RASAL2: variants seen among roughly 807,000 people sequenced by gnomAD.
RASAL2 encodes the protein RAS protein activator like 2.
RASAL2 carries 58 observed loss-of-function variants against 128.9 expected under a neutral mutation model. The ratio of observed to expected loss-of-function variants is 0.45; its 90% CI spans 0.36 to 0.56. RASAL2 has a LOEUF of 0.56. RASAL2 is among the 20% of genes least tolerant of loss of function. The pLI, the probability that RASAL2 is intolerant of heterozygous loss-of-function variation, is 0.00. For synonymous variants in RASAL2, 561 were observed against 580.8 expected (o/e 0.97, Z 0.49); for missense variants, 1,360 against 1,601.6 (o/e 0.85, Z 2.57).
At chr1:178,428,491 T>C (rs1387046210) in intron 5 of RASAL2, among the ~76,000 whole-genome samples, 1 of 151,720 alleles carries the variant, frequency 6.6e-6, no homozygotes, top group Non-Finnish European at 1.5e-5. Flanking sequence ...TATAAGTCTA[T>C]GATCCATTTA....
intron 1 of RASAL2, among the ~76,000 whole-genome samples, chr1:178,265,762 A>G (rs1001094353): frequency 6.6e-6 from 1 of 152,248 alleles, no homozygotes; most frequent in Admixed American, 6.5e-5. Flanking sequence ...TCAGAAGCCC[A>G]CTTATGTCCT....
At chr1:178,464,831 GTTTTT>G (rs986789340) in intron 15 of RASAL2, among the ~76,000 whole-genome samples, 626 of 38,192 alleles carry the variant, frequency 0.016, no homozygotes, top group Middle Eastern at 0.042. Context: ...GGTTTTAGTT[GTTTTT>G]TTTTTTTTTT....
chr1:178,431,462 G>A (rs1675894827), intron 5 of RASAL2, among the ~76,000 whole-genome samples: 2 of 152,026 alleles, frequency 1.3e-5, no homozygotes, highest in South Asian at 4.1e-4. Context: ...AAGATAGCAG[G>A]TAGAAACATG....
intron 4 of RASAL2, among the ~76,000 whole-genome samples, chr1:178,403,601 A>AT (rs1673785541): frequency 6.6e-6 from 1 of 152,200 alleles, no homozygotes. Context: ...GAAATAAATG[A>AT]TATAAGGACA....
chr1:178,420,992 A>G (rs910350366), intron 5 of RASAL2, among the ~76,000 whole-genome samples: 3 of 151,242 alleles, frequency 2.0e-5, no homozygotes, highest in African/African-American at 7.3e-5. Flanking sequence ...TGCTTCATAC[A>G]TGTTATCTTG....
intron 1 of RASAL2, among the ~76,000 whole-genome samples, chr1:178,161,028 C>T (rs12067894): frequency 0.11 from 16,595 of 151,994 alleles, 1,159 homozygotes; most frequent in African/African-American, 0.19. Context: ...TGAGAGTTCC[C>T]GCAAGTGTCT....
chr1:178,137,064 T>G (rs1660353538), intron 1 of RASAL2, among the ~76,000 whole-genome samples: 1 of 152,176 alleles, frequency 6.6e-6, no homozygotes, highest in South Asian at 2.1e-4. Flanking sequence ...TTGAAACCAT[T>G]GGAGAGTTTA....
At chr1:178,390,809 C>T (rs1003091593) in intron 4 of RASAL2, among the ~76,000 whole-genome samples, 2 of 152,052 alleles carry the variant, frequency 1.3e-5, no homozygotes, top group Non-Finnish European at 2.9e-5. Flanking sequence ...TCCTTGCAGA[C>T]ATCTTTTTAT....
chr1:178,423,926 A>G (rs1675329607), intron 5 of RASAL2, among the ~76,000 whole-genome samples: 1 of 151,882 alleles, frequency 6.6e-6, no homozygotes, highest in Non-Finnish European at 1.5e-5. Flanking sequence ...TTTTCTCCCA[A>G]TCTGTTTCTT....
At chr1:178,099,396 T>A (rs1302999698) in intron 1 of RASAL2, among the ~76,000 whole-genome samples, 1 of 152,222 alleles carries the variant, frequency 6.6e-6, no homozygotes, top group Non-Finnish European at 1.5e-5. Flanking sequence ...TAAGAATGCC[T>A]AGGCATGTAC....
At chr1:178,339,175 C>T (rs1324457657) in intron 3 of RASAL2, among the ~76,000 whole-genome samples, 1 of 152,132 alleles carries the variant, frequency 6.6e-6, no homozygotes, top group African/African-American at 2.4e-5. Flanking sequence ...GAATTCATCT[C>T]CATCTTGTGC....
At chr1:178,235,517 A>G (rs553972211) in intron 1 of RASAL2, among the ~76,000 whole-genome samples, 1 of 152,154 alleles carries the variant, frequency 6.6e-6, no homozygotes, top group Non-Finnish European at 1.5e-5. Context: ...CCAGTAACGA[A>G]AAAACAGTGC....
At chr1:178,320,697 C>T (rs975949940) in intron 3 of RASAL2, among the ~76,000 whole-genome samples, 4 of 152,188 alleles carry the variant, frequency 2.6e-5, no homozygotes, top group Admixed American at 6.5e-5. Flanking sequence ...CTGTCTGGCA[C>T]TCCCTAGTGA....
intron 3 of RASAL2, among the ~76,000 whole-genome samples, chr1:178,302,767 C>T (rs961757655): frequency 7.2e-5 from 11 of 152,048 alleles, no homozygotes; most frequent in Non-Finnish European, 1.5e-4. Context: ...ATAGGCCGGG[C>T]GCAGTGGTTC....
chr1:178,288,642 C>CTT lies in RASAL2; in HGVS notation c.330+4976_330+4977dup, dbSNP rs60150701. On this transcript the variant is annotated intron_variant, in intron 2 of 17. Coordinates refer to ENST00000367649, the MANE Select transcript of RASAL2 (RefSeq NM_170692.4). ...CATCAGCATGCTATTCTTTCTCTCT[C>CTT]TTTTTTTTTTTTTTTTTTTTTTTTT... 1.3e-3 allele frequency among the ~76,000 whole-genome samples: 129 copies of CTT among 97,302 alleles called. 1 individual carries two copies. The highest frequency in any genetic ancestry group is 1.9e-3 in the Non-Finnish European group (104 of 54,024). 63.8% of individuals were successfully genotyped at this position (97,302 alleles called of 152,430 possible).
rs12032949 is a variant in RASAL2 at position 178,263,945 on chromosome 1, G to A, written c.203-19619G>A. ...CATAGGAATTCTAGCAGAGGTCAGC[G>A]TGTGCCATTGTGCTCTGAGTTAGTA... is the stretch of plus-strand genomic sequence containing the variant. On this transcript the variant is annotated intron_variant, in intron 1 of 17. Transcript: ENST00000367649. Among the ~76,000 whole-genome samples, 45 of 152,286 alleles carry A rather than the reference G, an allele frequency of 3.0e-4. No homozygotes were observed. The East Asian group carries it at 3.5e-3, about 12-fold the overall frequency.
chr1:178,140,161 C>A (rs1660475076), intron 1 of RASAL2, among the ~76,000 whole-genome samples: 1 of 152,072 alleles, frequency 6.6e-6, no homozygotes, highest in Admixed American at 6.6e-5. Flanking sequence ...ATTGCTCCTC[C>A]AAGGACAGTT....
chr1:178,215,916 TA>T lies in RASAL2; in HGVS notation c.203-67645del, dbSNP rs550271683. Among the ~76,000 whole-genome samples, 397 of 152,238 alleles carry T rather than the reference TA, an allele frequency of 2.6e-3. 1 individual carries two copies. Among genetic ancestry groups the T allele is most frequent in the Non-Finnish European group, 4.3e-3 (295 of 68,004 alleles). ...ATATGAGAAAAAAGATCCAAGAAAATAAAGATTTGTCCTTTTACAAAATAAT... is the reference window on the plus strand; with the variant it reads ...ATATGAGAAAAAAGATCCAAGAAAATAAGATTTGTCCTTTTACAAAATAAT... On this transcript the variant is annotated intron_variant, in intron 1 of 17. Coordinates refer to ENST00000367649, the MANE Select transcript of RASAL2 (RefSeq NM_170692.4).
intron 1 of RASAL2, among the ~76,000 whole-genome samples, chr1:178,198,212 T>C (rs185133074): frequency 0.011 from 1,741 of 152,290 alleles, 16 homozygotes; most frequent in Non-Finnish European, 0.017. Context: ...TGGGTATATA[T>C]ATACCCAGTA....
Sources: gnomAD v4.1 joint callset for allele counts (sites outside exome capture counted in the v4.1 genomes callset) on GRCh38, gnomAD v4.1.1 for gene constraint, MANE v1.5 for transcripts, NCBI Gene and HGNC (gene_info 2026-07-23, HGNC 2026-07-21) for gene names.